BAG4: variants seen among roughly 807,000 people sequenced by gnomAD.
The protein encoded by BAG4 is BAG family molecular chaperone regulator 4.
Under a neutral mutation model 52.1 loss-of-function variants are expected in BAG4, and 28 were observed. The observed-to-expected ratio is 0.54, with a 90% CI of 0.40 to 0.74. BAG4 has a LOEUF of 0.74. BAG4 is among the 30% of genes least tolerant of loss of function. The probability of loss-of-function intolerance (pLI) is 0.00; values close to 1 mark genes in which losing one functional copy is unlikely to be tolerated. For synonymous variants in BAG4, 208 were observed against 217.0 expected (o/e 0.96, Z 0.37); for missense variants, 525 against 572.0 (o/e 0.92, Z 0.84).
In BAG4 at chr8:38,210,371, A is replaced by G. The variant is rs1203592292; in HGVS notation, c.1252A>G (p.Lys418Glu). The stretch of plus-strand genomic sequence containing the variant: ...CTGGCTTCTGGAAGAAATGCTAACC[A>G]AGGAACTTTTGGAACTGGATTCAGT... ...AYWLLEEMLT[K>E]ELLELDSVET... The change falls in exon 5 of 5, where the codon AAG (lysine) becomes GAG (glutamate). Residue 418 changes from lysine (K) to glutamate (E), a missense_variant. Lys to Glu is a moderately conservative substitution (Grantham distance 56). Transcript: ENST00000287322. The G allele has an allele frequency of 6.2e-7, 1 of 1,614,182 alleles. No homozygotes were observed. Among genetic ancestry groups the G allele is most frequent in the Non-Finnish European group, 8.5e-7 (1 of 1,180,030 alleles).
In BAG4 at chr8:38,210,604, C is replaced by T; in HGVS notation, c.*111C>T. The T allele has an allele frequency of 3.0e-6, 4 of 1,337,356 alleles. No homozygotes were observed. Among genetic ancestry groups the T allele is most frequent in the Non-Finnish European group, 4.0e-6 (4 of 998,752 alleles). The allele number at this position is 1,337,356 out of a possible 1,614,324, so 82.8% of individuals were successfully genotyped here. A position where few individuals can be genotyped will look rare whatever the true frequency, so the allele number is the denominator to read the frequency against. The stretch of plus-strand genomic sequence containing the variant: ...GTTGATGACAAGAAGCAATACATTC[C>T]AGCTTTCCTTTGATTTTATACTTGA... On this transcript the variant is annotated 3_prime_UTR_variant, in exon 5 of 5. Transcript: ENST00000287322.
At chr8:38,201,372 C>CA (rs1803660074) in intron 2 of BAG4, among the ~76,000 whole-genome samples, 1 of 152,100 alleles carries the variant, frequency 6.6e-6, no homozygotes, top group African/African-American at 2.4e-5. Flanking sequence ...ATTGTAGTGG[C>CA]ATAATCATAG....
intron 2 of BAG4, chr8:38,201,868 ATATATATATATATTTTTTTTT>A (rs1182483572): frequency 0.016 from 102 of 6,470 alleles, no homozygotes; most frequent in Non-Finnish European, 0.028. Context: ...ATATATATAT[ATATATATATATATTTTTTTTT>A]TTTTTTTTTT....
intron 1 of BAG4, among the ~76,000 whole-genome samples, chr8:38,181,160 A>C (rs1022688552): frequency 1.1e-4 from 17 of 149,242 alleles, no homozygotes; most frequent in African/African-American, 4.2e-4. Context: ...CCAGGATGGT[A>C]TCGATCTCCT....
rs758224495 is a variant in BAG4 at position 38,211,202 on chromosome 8, C to CTTTTTTT, written c.*725_*731dup. 5 of 93,674 alleles carry CTTTTTTT rather than the reference C, an allele frequency of 5.3e-5. No individual in the cohort carries two copies. The highest frequency in any genetic ancestry group is 8.8e-5 in the Non-Finnish European group (4 of 45,702). The allele number at this position is 93,674 out of a possible 1,614,324, so 5.8% of individuals were successfully genotyped here. ...ATCATTAGGTTAGAGTTTTTTTCTT[C>CTTTTTTT]TTTTTTTTTTTTTTTTTTTTTTACC... On this transcript the variant is annotated 3_prime_UTR_variant, in exon 5 of 5. Coordinates refer to ENST00000287322, the MANE Select transcript of BAG4 (RefSeq NM_004874.4).
intron 2 of BAG4, among the ~76,000 whole-genome samples, chr8:38,198,718 A>G (rs1156329509): frequency 2.6e-5 from 4 of 151,828 alleles, no homozygotes; most frequent in Admixed American, 2.0e-4. Flanking sequence ...CGATCTCCCA[A>G]CCTGGTGATC....
chr8:38,201,867 TATATATATATA>T (rs1321639714), intron 2 of BAG4: 131 of 10,290 alleles, frequency 0.013, 2 homozygotes, highest in Non-Finnish European at 0.022. Flanking sequence ...TATATATATA[TATATATATATA>T]TATTTTTTTT....
intron 1 of BAG4, among the ~76,000 whole-genome samples, chr8:38,182,329 G>A (rs1158595008): frequency 6.6e-6 from 1 of 152,164 alleles, no homozygotes; most frequent in Non-Finnish European, 1.5e-5. Flanking sequence ...AATTTATGTA[G>A]TACGAGTGCT....
intron 2 of BAG4, among the ~76,000 whole-genome samples, chr8:38,195,489 C>A (rs1803548786): frequency 6.6e-6 from 1 of 152,156 alleles, no homozygotes; most frequent in Non-Finnish European, 1.5e-5. Flanking sequence ...CAGGGTCTTG[C>A]TGTGTTGCCT....
At chr8:38,209,520 C>A in intron 4 of BAG4, 2 of 514,698 alleles carry the variant, frequency 3.9e-6, no homozygotes, top group South Asian at 2.9e-5. Context: ...TGTTGTAATT[C>A]TTCTAAACGT....
intron 2 of BAG4, chr8:38,202,164 T>C (rs1233778564): frequency 2.0e-5 from 3 of 151,950 alleles, no homozygotes; most frequent in Non-Finnish European, 2.9e-5. Flanking sequence ...GCAGAAGATA[T>C]TGTCTCACCC....
chr8:38,195,396 C>T (rs1803547126), intron 2 of BAG4, among the ~76,000 whole-genome samples: 1 of 151,958 alleles, frequency 6.6e-6, no homozygotes, highest in Non-Finnish European at 1.5e-5. Context: ...TCAAGAGATC[C>T]TCCCACTTCA....
chr8:38,201,863 TATATATATATA>T (rs1563284063), intron 2 of BAG4: 3 of 8,648 alleles, frequency 3.5e-4, no homozygotes, highest in Non-Finnish European at 7.7e-4. Flanking sequence ...TATATATATA[TATATATATATA>T]TATATATTTT....
intron 2 of BAG4, among the ~76,000 whole-genome samples, chr8:38,200,188 G>C (rs1052110719): frequency 3.3e-5 from 5 of 151,736 alleles, no homozygotes; most frequent in Admixed American, 2.0e-4. Flanking sequence ...TGTATTGTTA[G>C]TAGAGACAGG....
intron 1 of BAG4, among the ~76,000 whole-genome samples, chr8:38,191,618 G>A (rs61076607): frequency 0.21 from 31,777 of 151,990 alleles, 3,626 homozygotes; most frequent in East Asian, 0.31. Flanking sequence ...AAATTAGCTG[G>A]GCGTGGTGGC....
intron 2 of BAG4, among the ~76,000 whole-genome samples, chr8:38,206,320 G>A (rs1328348213): frequency 6.6e-6 from 1 of 151,210 alleles, no homozygotes; most frequent in East Asian, 2.0e-4. Flanking sequence ...CTCCCAAAGT[G>A]CTGGGATTAC....
intron 2 of BAG4, among the ~76,000 whole-genome samples, chr8:38,194,292 A>C (rs1227249843): frequency 1.3e-5 from 2 of 152,194 alleles, no homozygotes; most frequent in East Asian, 1.9e-4. Flanking sequence ...ATTTCATACT[A>C]ACAAACACAC....
chr8:38,196,712 T>A (rs1248125062), intron 2 of BAG4, among the ~76,000 whole-genome samples: 1 of 152,100 alleles, frequency 6.6e-6, no homozygotes, highest in African/African-American at 2.4e-5. Context: ...AGTTCTCTGA[T>A]GACTAATGAT....
chr8:38,212,547 A>G lies in BAG4; in HGVS notation c.*2054A>G, dbSNP rs1261934649. On this transcript the variant is annotated 3_prime_UTR_variant, in exon 5 of 5. Coordinates refer to ENST00000287322, the MANE Select transcript of BAG4 (RefSeq NM_004874.4). Reference sequence around the variant, plus strand: ...AACTAAAGTAGAAAGTTTAAAAAGTAGAGATTTTAGTCTTTTCACTAATGT... The same window carrying G: ...AACTAAAGTAGAAAGTTTAAAAAGTGGAGATTTTAGTCTTTTCACTAATGT... 1 of 152,192 alleles carries G rather than the reference A, an allele frequency of 6.6e-6. No homozygotes were observed. Among genetic ancestry groups the G allele is most frequent in the East Asian group, 1.9e-4 (1 of 5,204 alleles). The allele number at this position is 152,192 out of a possible 1,614,324, so 9.4% of individuals were successfully genotyped here.
Sources: gnomAD v4.1 joint callset for allele counts (sites outside exome capture counted in the v4.1 genomes callset) on GRCh38, gnomAD v4.1.1 for gene constraint, MANE v1.5 for transcripts, NCBI Gene and HGNC (gene_info 2026-07-23, HGNC 2026-07-21) for gene names.